Variants in SPATA6 observed in about 807,000 individuals in gnomAD.
SPATA6 encodes spermatogenesis-associated protein 6.
A neutral mutation model predicts 65.3 loss-of-function variants in SPATA6; 56 were observed. That is an observed-to-expected ratio of 0.86 (90% confidence interval 0.69 to 1.07). The LOEUF (loss-of-function observed/expected upper bound fraction) is 1.07. SPATA6 is among the 50% of genes least tolerant of loss of function. The pLI is 0.00. For synonymous variants in SPATA6, 199 were observed against 213.2 expected, an observed-to-expected ratio of 0.93 and a Z score of 0.58; for missense variants, 590 against 594.8, an observed-to-expected ratio of 0.99 and a Z score of 0.08.
At chr1:48,324,204 C>T (rs551085184) in intron 11 of SPATA6, among the ~76,000 whole-genome samples, 2 of 152,136 alleles carry the variant, frequency 1.3e-5, no homozygotes, top group Non-Finnish European at 2.9e-5. Flanking sequence ...GAGATTCTCC[C>T]GCCTTGGCCT....
chr1:48,321,591 C>T (rs914578394), intron 11 of SPATA6, among the ~76,000 whole-genome samples: 1 of 152,180 alleles, frequency 6.6e-6, no homozygotes, highest in Non-Finnish European at 1.5e-5. Flanking sequence ...CAACACTCCA[C>T]TTTCAGTACT....
intron 11 of SPATA6, among the ~76,000 whole-genome samples, chr1:48,319,837 G>C (rs2148697984): frequency 6.6e-6 from 1 of 152,296 alleles, no homozygotes; most frequent in African/African-American, 2.4e-5. Context: ...GGTGACAACT[G>C]CTGCACCCAA....
chr1:48,261,707 C>T, the SPATA6 span, among the ~76,000 whole-genome samples: 1 of 152,098 alleles, frequency 6.6e-6, no homozygotes, highest in African/African-American at 2.4e-5. Flanking sequence ...TATTTTTCCT[C>T]TCCACATTTC....
chr1:48,418,064 A>G (rs1473692373), intron 3 of SPATA6, among the ~76,000 whole-genome samples: 2 of 152,070 alleles, frequency 1.3e-5, no homozygotes, highest in Admixed American at 6.5e-5. Flanking sequence ...TATTTTATGC[A>G]TTTCTTAATT....
At chr1:48,432,511 G>A (rs1179709431) in intron 3 of SPATA6, among the ~76,000 whole-genome samples, 2 of 152,014 alleles carry the variant, frequency 1.3e-5, no homozygotes, top group Non-Finnish European at 2.9e-5. Context: ...ATACATAAAT[G>A]GCTAATAAGC....
At chr1:48,352,461 G>A (rs1477537199) in intron 11 of SPATA6, among the ~76,000 whole-genome samples, 2 of 151,918 alleles carry the variant, frequency 1.3e-5, no homozygotes, top group African/African-American at 2.4e-5. Flanking sequence ...TTTCATCAAA[G>A]TTTTAACATC....
chr1:48,436,088 C>T, intron 3 of SPATA6: 1 of 1,609,824 alleles, frequency 6.2e-7, no homozygotes, highest in Non-Finnish European at 8.5e-7. Flanking sequence ...TCCTGGTCAC[C>T]TCCATCCACT....
chr1:48,313,685 C>A (rs1220599044), intron 11 of SPATA6, among the ~76,000 whole-genome samples: 2 of 152,128 alleles, frequency 1.3e-5, no homozygotes, highest in African/African-American at 4.8e-5. Flanking sequence ...ATCAAATTCA[C>A]ACATAACCAT....
intron 3 of SPATA6, among the ~76,000 whole-genome samples, chr1:48,428,253 G>A (rs576911996): frequency 1.3e-5 from 2 of 152,220 alleles, no homozygotes; most frequent in East Asian, 3.9e-4. Context: ...TCAGGAATTC[G>A]AGACCAGCCT....
chr1:48,286,710 G>A, the SPATA6 span, among the ~76,000 whole-genome samples: 1 of 152,074 alleles, frequency 6.6e-6, no homozygotes, highest in Non-Finnish European at 1.5e-5. Flanking sequence ...TTGATATAAA[G>A]TAATACCTGA....
intron 12 of SPATA6, among the ~76,000 whole-genome samples, chr1:48,299,693 G>T (rs1438994620): frequency 6.6e-6 from 1 of 151,784 alleles, no homozygotes. Flanking sequence ...AAACACAGAC[G>T]TTATTAAATA....
chr1:48,361,636 T>TA (rs1646816760), intron 9 of SPATA6, among the ~76,000 whole-genome samples: 1 of 152,180 alleles, frequency 6.6e-6, no homozygotes, highest in African/African-American at 2.4e-5. Flanking sequence ...TTTGACCATT[T>TA]AGACAGCTAT....
chr1:48,285,243 C>T, the SPATA6 span, among the ~76,000 whole-genome samples: 4 of 152,108 alleles, frequency 2.6e-5, no homozygotes, highest in African/African-American at 9.7e-5. Flanking sequence ...GGAAAACTGC[C>T]TACTCAAGCC....
chr1:48,455,745 G>A (rs1656951732), intron 1 of SPATA6, among the ~76,000 whole-genome samples: 1 of 152,064 alleles, frequency 6.6e-6, no homozygotes, highest in African/African-American at 2.4e-5. Flanking sequence ...CCTCAAATTT[G>A]AGGCTCTTAT....
chr1:48,305,286 A>C (rs367848206), intron 12 of SPATA6, among the ~76,000 whole-genome samples: 23 of 152,314 alleles, frequency 1.5e-4, no homozygotes, highest in African/African-American at 5.5e-4. Flanking sequence ...AATTCAAAGA[A>C]CGTTTGGCTG....
intron 6 of SPATA6, among the ~76,000 whole-genome samples, chr1:48,401,109 C>CAA (rs1330879963): frequency 1.3e-5 from 2 of 151,842 alleles, no homozygotes; most frequent in African/African-American, 2.4e-5. Flanking sequence ...CCTTGCTGAC[C>CAA]AAAACCTCTT....
chr1:48,319,907 T>C (rs1645551833), intron 11 of SPATA6, among the ~76,000 whole-genome samples: 2 of 152,098 alleles, frequency 1.3e-5, no homozygotes, highest in Admixed American at 6.5e-5. Flanking sequence ...ATCCACAGTA[T>C]GGAGAAGAGG....
intron 11 of SPATA6, 82 bp downstream of exon 11, chr1:48,355,587 TA>T: frequency 1.0e-6 from 1 of 964,408 alleles, no homozygotes; most frequent in Non-Finnish European, 1.5e-6. Context: ...TCCCGGTGAC[TA>T]AATTTTGTAA....
intron 11 of SPATA6, chr1:48,325,251 G>T (rs1645721989): frequency 2.5e-6 from 2 of 812,180 alleles, no homozygotes; most frequent in Non-Finnish European, 2.0e-6. Context: ...GCAAGGTTTG[G>T]ATATGGCATA....
Sources: allele counts gnomAD v4.1 joint callset (sites outside exome capture counted in the v4.1 genomes callset), GRCh38; gene constraint gnomAD v4.1.1; transcripts MANE v1.5; gene names NCBI Gene and HGNC (gene_info 2026-07-23, HGNC 2026-07-21).